NXPE1: variants seen among roughly 807,000 people sequenced by gnomAD.
NXPE1 encodes the protein NXPE family member 1.
In NXPE1, 31 loss-of-function variants were observed where a neutral mutation model predicts 33.3. The ratio of observed to expected loss-of-function variants is 0.93; its 90% CI spans 0.70 to 1.26. The LOEUF is 1.26. Ranked by LOEUF, NXPE1 falls within the 50% of genes most tolerant of loss-of-function variation. The pLI is 0.00. For synonymous variants in NXPE1, 229 were observed against 231.4 expected, an observed-to-expected ratio of 0.99 and a Z score of 0.09; for missense variants, 661 against 655.6, an observed-to-expected ratio of 1.01 and a Z score of -0.09.
chr11:114,533,333 G>A (rs1163377190), intron 5 of NXPE1, among the ~76,000 whole-genome samples: 1 of 152,150 alleles, frequency 6.6e-6, no homozygotes. Context: ...AATAAGAACA[G>A]CTCCAGTCTA....
chr11:114,522,142 A>G (rs921698518), exon 9 of NXPE1: 2 of 1,614,114 alleles, frequency 1.2e-6, no homozygotes, highest in Non-Finnish European at 8.5e-7. Flanking sequence ...GGAAGTCTCC[A>G]AACCTCTCTG....
In NXPE1 at chr11:114,539,757, T is replaced by A. The variant is rs375639660; in HGVS notation, c.100-8849A>T. On this transcript the variant is annotated intron_variant, in intron 5 of 8. Transcript: ENST00000534921. ...ATTGAAATAAAATATAATTGTAAAG[T>A]GCAATATCAGTCAAATAAACCAATC... 3.3e-5 allele frequency among the ~76,000 whole-genome samples: 5 copies of A among 152,234 alleles called. No individual in the cohort carries two copies. In the East Asian group the frequency reaches 7.7e-4, roughly 24 times the overall value.
intron 5 of NXPE1, among the ~76,000 whole-genome samples, chr11:114,540,780 TGTGTTA>T (rs2135046693): frequency 6.7e-6 from 1 of 150,004 alleles, no homozygotes; most frequent in South Asian, 2.1e-4. Context: ...CTGGTTTTGA[TGTGTTA>T]GCCTGAGGGC....
At chr11:114,546,249 A>G (rs1460852303) in intron 5 of NXPE1, among the ~76,000 whole-genome samples, 1 of 152,156 alleles carries the variant, frequency 6.6e-6, no homozygotes, top group Non-Finnish European at 1.5e-5. Context: ...TGGGAGATGA[A>G]CAAATAAGTA....
chr11:114,522,355 G>T lies in NXPE1; in HGVS notation c.1257C>A (p.Ile419=), dbSNP rs373124569. The T allele has an allele frequency of 9.9e-6, 16 of 1,614,094 alleles. No individual in the cohort carries two copies. In the African/African-American group the frequency reaches 2.0e-4, roughly 20 times the overall value. Residue 419 remains isoleucine (I), a synonymous_variant, in exon 9 of 9, where the codon ATC becomes ATA. Coordinates refer to ENST00000534921, the Ensembl canonical transcript of NXPE1. Reference sequence around the variant, plus strand: ...CTGATAGCCGGTCAATTTCCCGAGGGATATAATCATGATCTATCAGAGAGT... The same window carrying T: ...CTGATAGCCGGTCAATTTCCCGAGGTATATAATCATGATCTATCAGAGAGT...
chr11:114,548,616 A>G (rs1248329035), intron 5 of NXPE1, among the ~76,000 whole-genome samples: 1 of 152,068 alleles, frequency 6.6e-6, no homozygotes, highest in Non-Finnish European at 1.5e-5. Context: ...GAAAGTAACT[A>G]TAATTAATGC....
intron 5 of NXPE1, 24 bp downstream of exon 5, chr11:114,551,079 G>T (rs1272530857): frequency 7.9e-6 from 10 of 1,272,806 alleles, no homozygotes; most frequent in Non-Finnish European, 1.1e-5. Context: ...TGTGTGATCT[G>T]CATCAAAGGT....
intron 7 of NXPE1, among the ~76,000 whole-genome samples, chr11:114,527,551 C>T (rs979804068): frequency 2.0e-5 from 3 of 152,090 alleles, no homozygotes; most frequent in East Asian, 1.9e-4. Context: ...TGTAGATATC[C>T]GTCCTTCAAA....
rs989194131 is a variant in NXPE1, at chr11:114,535,145, G to T, written c.100-4237C>A. Among the ~76,000 whole-genome samples the T allele has an allele frequency of 2.6e-5, 4 of 152,152 alleles. No individual in the cohort carries two copies. The East Asian group carries it at 5.8e-4, about 22-fold the overall frequency. On this transcript the variant is annotated intron_variant, in intron 5 of 8. Coordinates refer to ENST00000534921, the Ensembl canonical transcript of NXPE1. Reference sequence around the variant, plus strand: ...CAATATTCAAAATTCTTAAAGAAAAGAACTTTCAACCCAGAATTTCATATC... The same window carrying T: ...CAATATTCAAAATTCTTAAAGAAAATAACTTTCAACCCAGAATTTCATATC...
intron 5 of NXPE1, among the ~76,000 whole-genome samples, chr11:114,532,979 A>T (rs924389005): frequency 6.6e-6 from 1 of 152,234 alleles, no homozygotes; most frequent in Admixed American, 6.5e-5. Flanking sequence ...ACTTAGCATT[A>T]CAATTCAGTA....
At position 114,527,872 on chromosome 11, in the gene NXPE1, TC is replaced by T. The variant is rs1371994745; in HGVS notation, c.862del (p.Asp288IlefsTer16). On this transcript the variant is annotated frameshift_variant, in exon 7 of 9. Coordinates refer to ENST00000534921, the Ensembl canonical transcript of NXPE1. LOFTEE classifies it high-confidence loss of function. Reference sequence around the variant, plus strand: ...ATTAGTGACATCAATGTGTTTACGATCCTTCATCATTTCAACTCCCACTTTG... The same window carrying T: ...ATTAGTGACATCAATGTGTTTACGATCTTCATCATTTCAACTCCCACTTTG... The T allele has an allele frequency of 1.2e-6, 2 of 1,606,698 alleles. No homozygotes were observed. The highest frequency in any genetic ancestry group is 1.7e-6 in the Non-Finnish European group (2 of 1,177,532).
chr11:114,551,178 T>C (rs1565315580), exon 5 of NXPE1: 1 of 1,535,024 alleles, frequency 6.5e-7, no homozygotes, highest in Non-Finnish European at 8.7e-7. Context: ...GCAGCGTTTT[T>C]TGAAGCATTG....
intron 8 of NXPE1, 66 bp downstream of exon 8, chr11:114,522,813 G>C (rs1482134340): frequency 8.8e-7 from 1 of 1,138,466 alleles, no homozygotes; most frequent in Non-Finnish European, 1.3e-6. Context: ...CGAGAGAATA[G>C]AGACCTCATT....
chr11:114,546,968 G>T (rs939940917), intron 5 of NXPE1, among the ~76,000 whole-genome samples: 3 of 152,252 alleles, frequency 2.0e-5, no homozygotes, highest in Non-Finnish European at 2.9e-5. Context: ...GTAAATGAAT[G>T]ATTGAATAAA....
At chr11:114,525,736 T>C (rs1390294681) in intron 7 of NXPE1, among the ~76,000 whole-genome samples, 1 of 152,224 alleles carries the variant, frequency 6.6e-6, no homozygotes, top group African/African-American at 2.4e-5. Context: ...TTCTGTAAGC[T>C]TGCTTGCCCG....
intron 5 of NXPE1, among the ~76,000 whole-genome samples, chr11:114,541,527 C>T (rs913169415): frequency 3.3e-5 from 5 of 152,252 alleles, no homozygotes; most frequent in Non-Finnish European, 7.3e-5. Context: ...GTGACACAGC[C>T]GTCAGGAGGT....
chr11:114,536,304 G>A (rs1370087007), intron 5 of NXPE1, among the ~76,000 whole-genome samples: 1 of 152,154 alleles, frequency 6.6e-6, no homozygotes, highest in African/African-American at 2.4e-5. Flanking sequence ...GAAATTTATA[G>A]CACTAAATGC....
chr11:114,554,010 T>C, intron 1 of NXPE1: 1 of 985,462 alleles, frequency 1.0e-6, no homozygotes, highest in Non-Finnish European at 1.2e-6. Context: ...GCAATGTTTT[T>C]TCTTCTTCCA....
intron 5 of NXPE1, among the ~76,000 whole-genome samples, chr11:114,540,667 C>A (rs1453608688): frequency 2.0e-5 from 3 of 151,616 alleles, no homozygotes; most frequent in Non-Finnish European, 2.9e-5. Context: ...AACGAAATGC[C>A]AAAAACAAGT....
Sources: allele counts gnomAD v4.1 joint callset (sites outside exome capture counted in the v4.1 genomes callset), GRCh38; gene constraint gnomAD v4.1.1; transcripts MANE v1.5; gene names NCBI Gene and HGNC (gene_info 2026-07-23, HGNC 2026-07-21).